HSDL1: variants seen among roughly 807,000 people sequenced by gnomAD.
The protein encoded by HSDL1 is hydroxysteroid dehydrogenase like 1.
Under a neutral mutation model 31.5 loss-of-function variants are expected in HSDL1, and 29 were observed. The observed-to-expected ratio is 0.92, with a 90% CI of 0.69 to 1.26. The LOEUF (loss-of-function observed/expected upper bound fraction) is 1.26, where lower values mean the gene tolerates loss of function less well. Among genes scored for constraint, HSDL1 ranks in the 50% most tolerant of loss-of-function variants. The probability of loss-of-function intolerance (pLI) is 0.00; values close to 1 mark genes in which losing one functional copy is unlikely to be tolerated. For synonymous variants in HSDL1, 222 were observed against 155.2 expected (o/e 1.43, Z -3.20); for missense variants, 503 against 416.6 (o/e 1.21, Z -1.81).
At chr16:84,130,568 C>T (rs1465458222) in intron 3 of HSDL1, 137 bp from the exon 4 acceptor site, 4 of 677,906 alleles carry the variant, frequency 5.9e-6, no homozygotes, top group Admixed American at 2.8e-5. Flanking sequence ...ATCTACAAGT[C>T]AAGGACACTG....
chr16:84,139,869 G>C (rs533697828), intron 1 of HSDL1, among the ~76,000 whole-genome samples: 2 of 151,086 alleles, frequency 1.3e-5, no homozygotes, highest in Non-Finnish European at 2.9e-5. Context: ...GCTCCAGGGC[G>C]ATGGCTGTTT....
In HSDL1 at chr16:84,122,192, G is replaced by A. The variant is rs1482685562; in HGVS notation, c.*2438C>T. On this transcript the variant is annotated 3_prime_UTR_variant, in exon 6 of 6. Coordinates refer to ENST00000219439, the MANE Select transcript of HSDL1 (RefSeq NM_031463.5). ...ATCAGTTATGACCACTGTTGTTCAT[G>A]TTAATTTCTTGCAATCACTCCTAAG... 2.0e-5 allele frequency: 3 copies of A among 152,538 alleles called. No homozygotes were observed. Among genetic ancestry groups the A allele is most frequent in the African/African-American group, 7.2e-5 (3 of 41,414 alleles). The allele number at this position is 152,538 out of a possible 1,614,324, so 9.4% of individuals were successfully genotyped here.
chr16:84,126,206 G>C (rs767953944), intron 5 of HSDL1, among the ~76,000 whole-genome samples: 4 of 152,118 alleles, frequency 2.6e-5, no homozygotes, highest in Non-Finnish European at 5.9e-5. Context: ...GGGGCTTGAG[G>C]GGTAGTATGG....
intron 1 of HSDL1, among the ~76,000 whole-genome samples, chr16:84,138,371 T>A (rs533355955): frequency 6.6e-6 from 1 of 152,296 alleles, no homozygotes; most frequent in Non-Finnish European, 1.5e-5. Flanking sequence ...AAATATAAAA[T>A]GCATACGTCT....
chr16:84,132,118 TAC>T (rs2086675468), intron 2 of HSDL1, among the ~76,000 whole-genome samples: 1 of 152,256 alleles, frequency 6.6e-6, no homozygotes, highest in Non-Finnish European at 1.5e-5. Flanking sequence ...ATGCTGTGGC[TAC>T]AGAGATAAAC....
At chr16:84,128,970 A>G (rs1269506914) in intron 5 of HSDL1, among the ~76,000 whole-genome samples, 1 of 152,136 alleles carries the variant, frequency 6.6e-6, no homozygotes, top group East Asian at 1.9e-4. Flanking sequence ...AGCTTCCCAA[A>G]GTGCTGGGAT....
chr16:84,130,488 T>C (rs780791465), intron 3 of HSDL1, 57 bp from the exon 4 acceptor site: 77 of 1,443,276 alleles, frequency 5.3e-5, no homozygotes, highest in Non-Finnish European at 6.9e-5. Context: ...ACCCTTAAAA[T>C]GGACCCAAAG....
At chr16:84,130,876 C>A (rs2086657360) in intron 3 of HSDL1, 3 of 506,832 alleles carry the variant, frequency 5.9e-6, no homozygotes, top group Non-Finnish European at 1.0e-5. Flanking sequence ...TGGAGGAGGA[C>A]TGGGAACAGG....
chr16:84,138,901 C>T (rs2086738107), intron 1 of HSDL1, among the ~76,000 whole-genome samples: 1 of 152,200 alleles, frequency 6.6e-6, no homozygotes, highest in Non-Finnish European at 1.5e-5. Flanking sequence ...TGGCCTGTAA[C>T]ATGATCCCAC....
rs534413919 is a variant in HSDL1, at chr16:84,143,553, A to C, written c.-69+1527T>G. ...GGTTGCATAGCATTGTGACTATAGC[A>C]AGAACTACTGAGTTATACACTGTAA... On this transcript the variant is annotated intron_variant, in intron 1 of 5. Transcript: ENST00000219439. 2.0e-5 allele frequency among the ~76,000 whole-genome samples: 3 copies of C among 152,300 alleles called. No individual in the cohort carries two copies. The South Asian group carries it at 6.2e-4, about 32-fold the overall frequency.
At chr16:84,131,063 C>A in intron 3 of HSDL1, 39 bp downstream of exon 3, 1 of 1,509,680 alleles carries the variant, frequency 6.6e-7, no homozygotes, top group Non-Finnish European at 9.1e-7. Flanking sequence ...ATGCATCCGA[C>A]TTCACAGAAA....
intron 1 of HSDL1, among the ~76,000 whole-genome samples, chr16:84,136,341 G>C (rs2086712177): frequency 6.6e-6 from 1 of 152,240 alleles, no homozygotes; most frequent in African/African-American, 2.4e-5. Context: ...ACACTGCATT[G>C]CAACTGTTCT....
chr16:84,125,953 A>C (rs1400903195), intron 5 of HSDL1, among the ~76,000 whole-genome samples: 1 of 152,100 alleles, frequency 6.6e-6, no homozygotes, highest in Non-Finnish European at 1.5e-5. Flanking sequence ...AATACAAAAA[A>C]TTAGCCAGGC....
intron 1 of HSDL1, among the ~76,000 whole-genome samples, chr16:84,138,094 C>T (rs1406270808): frequency 1.3e-5 from 2 of 152,198 alleles, no homozygotes; most frequent in African/African-American, 4.8e-5. Context: ...GCCTCCCAAA[C>T]TGCGAAAAGT....
intron 1 of HSDL1, among the ~76,000 whole-genome samples, chr16:84,141,323 G>A (rs937832296): frequency 3.3e-5 from 5 of 150,692 alleles, no homozygotes; most frequent in African/African-American, 1.2e-4. Context: ...GATACACCAC[G>A]ATTCACAGGT....
Position 84,124,578 on chromosome 16 carries a change from G to C in HSDL1, c.*52C>G. 1.9e-6 allele frequency: 2 copies of C among 1,054,984 alleles called. No individual in the cohort carries two copies. Among genetic ancestry groups the C allele is most frequent in the Non-Finnish European group, 3.0e-6 (2 of 672,668 alleles). 65.4% of individuals were successfully genotyped at this position (1,054,984 alleles called of 1,614,324 possible). A position where few individuals can be genotyped will look rare whatever the true frequency, so the allele number is the denominator to read the frequency against. ...ATTAAATGTGTTTTTCCAAATGTCA[G>C]AATATCGAGGTTCCCAGGAGTTGGC... On this transcript the variant is annotated 3_prime_UTR_variant, in exon 6 of 6. Transcript: ENST00000219439.
chr16:84,140,983 C>T (rs1455372862), intron 1 of HSDL1, among the ~76,000 whole-genome samples: 7 of 150,656 alleles, frequency 4.6e-5, no homozygotes, highest in African/African-American at 7.5e-5. Context: ...CCCAGCTACT[C>T]GGGAGGCTGA....
chr16:84,131,505 C>CTATCTATT (rs1007763202), intron 2 of HSDL1, among the ~76,000 whole-genome samples, 178 bp from the exon 3 acceptor site: 13 of 151,790 alleles, frequency 8.6e-5, no homozygotes, highest in African/African-American at 3.1e-4. Flanking sequence ...ATCTATCTAT[C>CTATCTATT]TATCTATCTA....
At chr16:84,133,018 A>G (rs1362544527) in intron 2 of HSDL1, among the ~76,000 whole-genome samples, 1 of 151,882 alleles carries the variant, frequency 6.6e-6, no homozygotes, top group Non-Finnish European at 1.5e-5. Flanking sequence ...AAAATACCCA[A>G]CAATAGCAGC....
Sources: allele counts gnomAD v4.1 joint callset (sites outside exome capture counted in the v4.1 genomes callset), GRCh38; gene constraint gnomAD v4.1.1; transcripts MANE v1.5; gene names NCBI Gene and HGNC (gene_info 2026-07-23, HGNC 2026-07-21).